The following RNF6 variants were observed in gnomAD, a reference collection of about 807,000 sequenced individuals.
The protein encoded by RNF6 is ring finger protein 6.
In RNF6, 21 loss-of-function variants were observed where a neutral mutation model predicts 50.1. That is an observed-to-expected ratio of 0.42 (90% CI 0.30 to 0.60). The LOEUF is 0.60. Among genes scored for constraint, RNF6 ranks in the 20% least tolerant of loss-of-function variants. The probability of loss-of-function intolerance (pLI) is 0.20; values close to 1 mark genes in which losing one functional copy is unlikely to be tolerated. For synonymous variants in RNF6, 255 were observed against 291.8 expected (o/e 0.87, Z 1.29); for missense variants, 698 against 838.2 (o/e 0.83, Z 2.07).
At chr13:26,195,133 A>T (rs1868609519) in intron 5 of RNF6, among the ~76,000 whole-genome samples, 1 of 152,200 alleles carries the variant, frequency 6.6e-6, no homozygotes, top group Admixed American at 6.5e-5. Context: ...CTGGGGATTT[A>T]AAACAACTAT....
In RNF6 at chr13:26,219,635, T is replaced by C. The variant is rs1168050496; in HGVS notation, c.15A>G (p.Arg5=). Reference sequence around the variant, plus strand: ...CTTCACTGCCACCATCTGATCTCGATCTAGACTGATTCATCCTGAGATTCC... The same window carrying C: ...CTTCACTGCCACCATCTGATCTCGACCTAGACTGATTCATCCTGAGATTCC... The part of the protein sequence containing the change: MNQS[R]SRSDGGSEET... The change falls in exon 3 of 5, where the codon AGA becomes AGG. Residue 5 remains arginine, a synonymous_variant. Coordinates refer to ENST00000381588, the MANE Select transcript of RNF6 (RefSeq NM_005977.4). 2 of 1,613,354 alleles carry C rather than the reference T, an allele frequency of 1.2e-6. No homozygotes were observed. The highest frequency in any genetic ancestry group is 1.7e-5 in the Admixed American group (1 of 60,018).
intron 5 of RNF6, among the ~76,000 whole-genome samples, chr13:26,165,479 A>G (rs1872408598): frequency 6.6e-6 from 1 of 152,158 alleles, no homozygotes. Context: ...TCCAGACCCC[A>G]CAATTGTAGA....
In RNF6 at chr13:26,222,049, T is replaced by C. The variant is rs1248670868; in HGVS notation, c.-148A>G. ...GCCCTCCTGTCCGGAGAACGTGTGC[T>C]GTGGGCGGCCGTTCTCTCGGGTGCT... is the stretch of plus-strand genomic sequence containing the variant. On this transcript the variant is annotated 5_prime_UTR_variant, in exon 1 of 5. Transcript: ENST00000381588. 1 of 152,260 alleles carries C rather than the reference T, an allele frequency of 6.6e-6. No individual in the cohort carries two copies. Among genetic ancestry groups the C allele is most frequent in the Non-Finnish European group, 1.5e-5 (1 of 68,080 alleles). The allele number at this position is 152,260 out of a possible 1,614,324, so 9.4% of individuals were successfully genotyped here. A position where few individuals can be genotyped will look rare whatever the true frequency, so the allele number is the denominator to read the frequency against.
rs772288038 is a variant in RNF6 at position 26,213,740 on chromosome 13, TTAGCTAA to T, written c.*77_*83del. Reference sequence around the variant, plus strand: ...TATAATCTGTTATTTTTCATCCTGGTTAGCTAATCACAAATAACTCAGCAAAACAATG... The same window carrying T: ...TATAATCTGTTATTTTTCATCCTGGTTCACAAATAACTCAGCAAAACAATG... On this transcript the variant is annotated 3_prime_UTR_variant, in exon 5 of 5. Transcript: ENST00000381588. 2 of 1,108,130 alleles carry T rather than the reference TTAGCTAA, an allele frequency of 1.8e-6. No individual in the cohort carries two copies. The highest frequency in any genetic ancestry group is 2.6e-6 in the Non-Finnish European group (2 of 777,936). The allele number at this position is 1,108,130 out of a possible 1,614,324, so 68.6% of individuals were successfully genotyped here.
At chr13:26,182,247 CTCA>C (rs1192763767) in intron 5 of RNF6, among the ~76,000 whole-genome samples, 61 of 152,178 alleles carry the variant, frequency 4.0e-4, no homozygotes, top group African/African-American at 1.4e-3. Context: ...CACGATCATT[CTCA>C]TGTCTATTTT....
chr13:26,198,651 T>A (rs535220481), intron 5 of RNF6, among the ~76,000 whole-genome samples: 1 of 151,940 alleles, frequency 6.6e-6, no homozygotes, highest in East Asian at 1.9e-4. Context: ...TCCTAGATAG[T>A]GTTAAAAAGT....
intron 5 of RNF6, among the ~76,000 whole-genome samples, chr13:26,205,751 C>A (rs959506784): frequency 6.6e-6 from 1 of 152,236 alleles, no homozygotes; most frequent in Non-Finnish European, 1.5e-5. Context: ...CAGTGGCTTA[C>A]GCCTGTAATC....
intron 5 of RNF6, among the ~76,000 whole-genome samples, chr13:26,150,056 A>G (rs893641723): frequency 6.8e-6 from 1 of 147,738 alleles, no homozygotes; most frequent in African/African-American, 2.5e-5. Context: ...GTGTATATAT[A>G]TATATATACA....
intron 5 of RNF6, among the ~76,000 whole-genome samples, chr13:26,142,156 T>A (rs1433971527): frequency 6.6e-6 from 1 of 151,962 alleles, no homozygotes; most frequent in Admixed American, 6.6e-5. Context: ...ATCAGAGAAA[T>A]ACAAATCAAA....
At position 26,213,692 on chromosome 13, in the gene RNF6, C is replaced by A. The variant is rs1181604846; in HGVS notation, c.*132G>T. 5.3e-6 allele frequency: 3 copies of A among 569,710 alleles called. No homozygotes were observed. The East Asian group carries it at 9.9e-5, about 19-fold the overall frequency. The allele number at this position is 569,710 out of a possible 1,614,324, so 35.3% of individuals were successfully genotyped here. A position where few individuals can be genotyped will look rare whatever the true frequency, so the allele number is the denominator to read the frequency against. On this transcript the variant is annotated 3_prime_UTR_variant, in exon 5 of 5. Coordinates refer to ENST00000381588, the MANE Select transcript of RNF6 (RefSeq NM_005977.4). ...TCTTTTTAACAAGTTTAAAAAAGCA[C>A]ACGAAAAATAGTTCAAACTATATAT...
chr13:26,161,706 T>A (rs1055721317), intron 5 of RNF6, among the ~76,000 whole-genome samples: 1 of 152,222 alleles, frequency 6.6e-6, no homozygotes, highest in African/African-American at 2.4e-5. Context: ...ACTTTTTATG[T>A]TTGAGCAGTT....
intron 2 of RNF6, 112 bp from the exon 3 acceptor site, chr13:26,219,779 T>A (rs1870287096): frequency 1.1e-6 from 1 of 928,458 alleles, no homozygotes; most frequent in Admixed American, 2.5e-5. Context: ...CCTACCCAAA[T>A]ACTGTATTTG....
At chr13:26,221,733 G>A (rs994655351) in intron 1 of RNF6, 5 of 152,208 alleles carry the variant, frequency 3.3e-5, no homozygotes, top group African/African-American at 1.2e-4. Flanking sequence ...CGCGCCGGGG[G>A]ACGATCCCCA....
intron 5 of RNF6, among the ~76,000 whole-genome samples, chr13:26,143,731 C>T (rs1871081255): frequency 6.6e-6 from 1 of 152,182 alleles, no homozygotes; most frequent in Non-Finnish European, 1.5e-5. Flanking sequence ...GTGACTGAGT[C>T]TTCAAAAGCC....
intron 5 of RNF6, among the ~76,000 whole-genome samples, chr13:26,145,437 CTGA>C (rs1871173714): frequency 1.1e-5 from 1 of 89,484 alleles, no homozygotes; most frequent in East Asian, 3.3e-4. Context: ...TAGGAGGTGA[CTGA>C]ATCATGGGGA....
chr13:26,144,149 A>C (rs571468620), intron 5 of RNF6, among the ~76,000 whole-genome samples: 2 of 151,882 alleles, frequency 1.3e-5, no homozygotes, highest in East Asian at 3.9e-4. Flanking sequence ...CCAATGTTCC[A>C]CTCTCCATGT....
At chr13:26,194,001 A>T (rs1158376809) in intron 5 of RNF6, among the ~76,000 whole-genome samples, 2 of 152,238 alleles carry the variant, frequency 1.3e-5, no homozygotes, top group Non-Finnish European at 2.9e-5. Context: ...ATGGAATTTT[A>T]AATAATAAGA....
chr13:26,221,005 C>T (rs1870430231), intron 2 of RNF6, among the ~76,000 whole-genome samples: 1 of 152,104 alleles, frequency 6.6e-6, no homozygotes, highest in South Asian at 2.1e-4. Context: ...GACCTAGTAA[C>T]ATTATCCACT....
chr13:26,174,061 CACTT>C (rs1233656898), intron 5 of RNF6, among the ~76,000 whole-genome samples: 4 of 152,040 alleles, frequency 2.6e-5, no homozygotes, highest in Non-Finnish European at 5.9e-5. Context: ...TCCATGTACA[CACTT>C]ACACACATCA....
Sources: gnomAD v4.1 joint callset for allele counts (sites outside exome capture counted in the v4.1 genomes callset) on GRCh38, gnomAD v4.1.1 for gene constraint, MANE v1.5 for transcripts, NCBI Gene and HGNC (gene_info 2026-07-23, HGNC 2026-07-21) for gene names.